Variants in ZNF385D observed in about 807,000 individuals in gnomAD.
The protein encoded by ZNF385D is zinc finger protein 385D.
In ZNF385D, 15 loss-of-function variants were observed where a neutral mutation model predicts 35.8. The observed-to-expected ratio is 0.42, with a 90% CI of 0.28 to 0.64. The LOEUF is 0.64. ZNF385D is among the 30% of genes least tolerant of loss of function. The pLI, the probability that ZNF385D is intolerant of heterozygous loss-of-function variation, is 0.23. For synonymous variants in ZNF385D, 212 were observed against 186.8 expected, an observed-to-expected ratio of 1.13 and a Z score of -1.10; for missense variants, 474 against 494.6, an observed-to-expected ratio of 0.96 and a Z score of 0.39.
chr3:22,308,773 C>T (rs1451086715), intron 2 of ZNF385D, among the ~76,000 whole-genome samples: 1 of 152,104 alleles, frequency 6.6e-6, no homozygotes, highest in Admixed American at 6.6e-5. Flanking sequence ...AGATTTTAAA[C>T]AATGACTTAC....
chr3:21,836,864 A>T (rs1695360023), intron 3 of ZNF385D, among the ~76,000 whole-genome samples: 1 of 152,072 alleles, frequency 6.6e-6, no homozygotes, highest in South Asian at 2.1e-4. Flanking sequence ...CCCAGCTTAA[A>T]TATCTTAGAA....
intron 2 of ZNF385D, among the ~76,000 whole-genome samples, chr3:22,230,673 A>G (rs1250671955): frequency 6.6e-6 from 1 of 152,190 alleles, no homozygotes; most frequent in Non-Finnish European, 1.5e-5. Context: ...GGAATCACTT[A>G]GAGTACATAT....
intron 3 of ZNF385D, among the ~76,000 whole-genome samples, chr3:21,987,601 AT>A (rs1255946129): frequency 7.6e-6 from 1 of 131,006 alleles, no homozygotes; most frequent in Non-Finnish European, 1.6e-5. Context: ...TGCCCTTAAC[AT>A]TTTTTCCTTC....
rs950146253 is a variant in ZNF385D, at chr3:21,564,766, C to T, written c.166-82G>A. ...GAATTTTGCCTATTTCATTAAAGAACCAATCTGTACAGCTTCAATCTACTG... is the reference window on the plus strand; with the variant it reads ...GAATTTTGCCTATTTCATTAAAGAATCAATCTGTACAGCTTCAATCTACTG... On this transcript the variant is annotated intron_variant, in intron 2 of 7. Transcript: ENST00000281523. The T allele has an allele frequency of 7.0e-6, 5 of 711,834 alleles. No individual in the cohort carries two copies. In the South Asian group the frequency reaches 1.3e-4, roughly 18 times the overall value. 44.1% of individuals were successfully genotyped at this position (711,834 alleles called of 1,614,324 possible).
At chr3:21,468,296 GGAGGCT>G (rs1365557645) in intron 4 of ZNF385D, among the ~76,000 whole-genome samples, 1 of 150,434 alleles carries the variant, frequency 6.6e-6, no homozygotes, top group Non-Finnish European at 1.5e-5. Flanking sequence ...CAGCTACTCG[GGAGGCT>G]GAGGCAGGAG....
chr3:21,931,256 C>T, intron 3 of ZNF385D, among the ~76,000 whole-genome samples: 1 of 151,990 alleles, frequency 6.6e-6, no homozygotes, highest in East Asian at 1.9e-4. Context: ...AATTTTTTTA[C>T]CCACTAGGAA....
At chr3:22,001,726 A>T (rs939835302) in intron 3 of ZNF385D, among the ~76,000 whole-genome samples, 1 of 130,434 alleles carries the variant, frequency 7.7e-6, no homozygotes, top group Non-Finnish European at 1.6e-5. Context: ...ATGTTAGGCC[A>T]CAAAATAAGT....
In ZNF385D at chr3:21,937,439, A is replaced by G. The variant is rs58722803; in HGVS notation, c.325+231378T>C. 2.5e-3 allele frequency among the ~76,000 whole-genome samples: 377 copies of G among 152,294 alleles called. 1 individual carries two copies. Among genetic ancestry groups the G allele is most frequent in the African/African-American group, 8.6e-3 (359 of 41,584 alleles). Reference sequence around the variant, plus strand: ...TACAGACCTATGTGATATTGTATTAATAATTATTTATGCTAGAAGTATTCT... The same window carrying G: ...TACAGACCTATGTGATATTGTATTAGTAATTATTTATGCTAGAAGTATTCT... On this transcript the variant is annotated intron_variant, in intron 3 of 5. Transcript: ENST00000494108.
chr3:21,690,671 C>T (rs1383425816), intron 1 of ZNF385D, among the ~76,000 whole-genome samples: 1 of 152,148 alleles, frequency 6.6e-6, no homozygotes. Context: ...GGCTCTACTC[C>T]AGTGGTTCTC....
chr3:22,156,467 G>T (rs143998879), intron 3 of ZNF385D, among the ~76,000 whole-genome samples: 5 of 152,160 alleles, frequency 3.3e-5, no homozygotes, highest in Non-Finnish European at 7.4e-5. Context: ...ACCAGAGCTA[G>T]GTTTAGAGAG....
intron 2 of ZNF385D, among the ~76,000 whole-genome samples, chr3:22,174,072 T>C (rs1403846080): frequency 1.3e-5 from 2 of 151,290 alleles, no homozygotes; most frequent in Non-Finnish European, 1.5e-5. Flanking sequence ...AAGCCAACCA[T>C]CACATAATTA....
At chr3:21,785,501 G>C (rs982870655) in intron 3 of ZNF385D, among the ~76,000 whole-genome samples, 3 of 152,094 alleles carry the variant, frequency 2.0e-5, no homozygotes, top group South Asian at 4.1e-4. Flanking sequence ...TTGTGCATTC[G>C]ATGTCCAGAA....
intron 1 of ZNF385D, among the ~76,000 whole-genome samples, chr3:21,717,193 A>G (rs2068357309): frequency 6.6e-6 from 1 of 152,190 alleles, no homozygotes; most frequent in South Asian, 2.1e-4. Flanking sequence ...ATAAATGGTT[A>G]CTTCTGAGTA....
chr3:21,602,779 C>T (rs2064352790), intron 2 of ZNF385D, among the ~76,000 whole-genome samples: 2 of 151,278 alleles, frequency 1.3e-5, no homozygotes, highest in Admixed American at 6.6e-5. Context: ...ATGATCCACC[C>T]GCCTCGGCCT....
intron 3 of ZNF385D, among the ~76,000 whole-genome samples, chr3:21,938,326 AC>A (rs1260425072): frequency 6.6e-6 from 1 of 152,176 alleles, no homozygotes; most frequent in Non-Finnish European, 1.5e-5. Context: ...GGGCAGTGTG[AC>A]ACATGTCACT....
chr3:22,333,957 T>A (rs1271825666), intron 2 of ZNF385D, among the ~76,000 whole-genome samples: 1 of 152,216 alleles, frequency 6.6e-6, no homozygotes, highest in Non-Finnish European at 1.5e-5. Flanking sequence ...TTCCATACAT[T>A]CTCTTCAGAA....
At chr3:22,338,669 G>C (rs1181074461) in intron 2 of ZNF385D, among the ~76,000 whole-genome samples, 3 of 148,894 alleles carry the variant, frequency 2.0e-5, no homozygotes, top group Non-Finnish European at 4.5e-5. Context: ...AAAAAGTAAA[G>C]TTAATGTGCA....
At chr3:21,878,561 C>A (rs1217473693) in intron 3 of ZNF385D, among the ~76,000 whole-genome samples, 4 of 151,910 alleles carry the variant, frequency 2.6e-5, no homozygotes, top group Admixed American at 2.6e-4. Flanking sequence ...TTTATTTTAA[C>A]AGCTGCATAG....
rs201126274 is a variant in ZNF385D at position 22,267,416 on chromosome 3, GA to G, written c.107-98382del. Among the ~76,000 whole-genome samples, 58 of 148,760 alleles carry G rather than the reference GA, an allele frequency of 3.9e-4. No homozygotes were observed. The East Asian group carries it at 0.011, about 28-fold the overall frequency. Reference sequence around the variant, plus strand: ...ACTACATATTTAGATGCTTTTCTCTGAAAAAAAAATATAAGGTAAAGAATAA... The same window carrying G: ...ACTACATATTTAGATGCTTTTCTCTGAAAAAAAATATAAGGTAAAGAATAA... On this transcript the variant is annotated intron_variant, in intron 2 of 5. Transcript: ENST00000494108.
Sources: allele counts gnomAD v4.1 joint callset (sites outside exome capture counted in the v4.1 genomes callset), GRCh38; gene constraint gnomAD v4.1.1; transcripts MANE v1.5; gene names NCBI Gene and HGNC (gene_info 2026-07-23, HGNC 2026-07-21).